The following BRSK2 variants were observed in gnomAD, a reference collection of about 807,000 sequenced individuals.
BRSK2 encodes the protein serine/threonine-protein kinase BRSK2.
Under a neutral mutation model 83.3 loss-of-function variants are expected in BRSK2, and 19 were observed. That is an observed-to-expected ratio of 0.23 (90% CI 0.16 to 0.33). The LOEUF (loss-of-function observed/expected upper bound fraction) is 0.33. BRSK2 is among the 10% of genes least tolerant of loss of function. The pLI, the probability that BRSK2 is intolerant of heterozygous loss-of-function variation, is 1.00. For synonymous variants in BRSK2, 519 were observed against 435.4 expected (o/e 1.19, Z -2.39); for missense variants, 798 against 1,042.3 (o/e 0.77, Z 3.23).
At chr11:1,396,037 C>T (rs549059213) in intron 1 of BRSK2, among the ~76,000 whole-genome samples, 25 of 152,312 alleles carry the variant, frequency 1.6e-4, no homozygotes, top group Admixed American at 3.3e-4. Context: ...CTCCTGCCCA[C>T]GACCCAAGCT....
intron 16 of BRSK2, among the ~76,000 whole-genome samples, chr11:1,455,158 G>T (rs1454919031): frequency 6.6e-6 from 1 of 152,148 alleles, no homozygotes; most frequent in Non-Finnish European, 1.5e-5. Context: ...GCATCTTTGG[G>T]TTAGGAGGAG....
At chr11:1,457,018 C>T (rs1417083868) in intron 18 of BRSK2, 1 of 1,595,268 alleles carries the variant, frequency 6.3e-7, no homozygotes, top group Non-Finnish European at 8.5e-7. Flanking sequence ...AAGGTGGCCA[C>T]CAGCTACGAG....
At chr11:1,404,748 C>T (rs571868160) in intron 1 of BRSK2, among the ~76,000 whole-genome samples, 2 of 152,350 alleles carry the variant, frequency 1.3e-5, no homozygotes, top group East Asian at 3.9e-4. Context: ...GCCCTTCCCG[C>T]AAGCCGCCCG....
At chr11:1,448,981 T>A (rs1366284489) in intron 12 of BRSK2, among the ~76,000 whole-genome samples, 1 of 151,944 alleles carries the variant, frequency 6.6e-6, no homozygotes, top group African/African-American at 2.4e-5. Context: ...TCTGTCCTCT[T>A]CTCTTCGGCG....
chr11:1,393,370 G>T (rs192428270), intron 1 of BRSK2, among the ~76,000 whole-genome samples: 29 of 152,286 alleles, frequency 1.9e-4, no homozygotes, highest in Non-Finnish European at 3.5e-4. Flanking sequence ...AGAACCTCGG[G>T]CCCTTGGAGC....
intron 1 of BRSK2, chr11:1,411,640 G>C: frequency 6.5e-7 from 1 of 1,540,602 alleles, no homozygotes. Flanking sequence ...GCAGGTGCGT[G>C]CCACGCTCCC....
At chr11:1,405,403 TTC>T (rs1846802525) in intron 1 of BRSK2, among the ~76,000 whole-genome samples, 1 of 152,218 alleles carries the variant, frequency 6.6e-6, no homozygotes, top group Admixed American at 6.5e-5. Flanking sequence ...TTGCCCAGCC[TTC>T]CCCCTGTGGC....
At chr11:1,455,204 T>C (rs1257560088) in intron 16 of BRSK2, among the ~76,000 whole-genome samples, 1 of 152,066 alleles carries the variant, frequency 6.6e-6, no homozygotes, top group African/African-American at 2.4e-5. Flanking sequence ...GGAGAAAGTT[T>C]ATTGCCAGGA....
At position 1,449,931 on chromosome 11, in the gene BRSK2, T is replaced by G. The variant is rs527862895; in HGVS notation, c.1287+95T>G. 1.2e-3 allele frequency: 1,025 copies of G among 875,414 alleles called. 11 individuals carry two copies. In the Admixed American group the frequency reaches 0.019, roughly 16 times the overall value. The allele number at this position is 875,414 out of a possible 1,614,324, so 54.2% of individuals were successfully genotyped here. On this transcript the variant is annotated intron_variant, in intron 13 of 19. Transcript: ENST00000528841. ...AGGGTGGGGGCAGCCTCGCGGACCC[T>G]GGGAAGCAGCCCCAGGCGCCCCCCA...
chr11:1,424,466 A>G (rs1848976772), intron 1 of BRSK2, among the ~76,000 whole-genome samples: 1 of 152,134 alleles, frequency 6.6e-6, no homozygotes, highest in Non-Finnish European at 1.5e-5. Context: ...CTGTGTGACC[A>G]GTGTGGGAGT....
At chr11:1,452,852 G>A (rs1845974545) in intron 15 of BRSK2, among the ~76,000 whole-genome samples, 1 of 152,364 alleles carries the variant, frequency 6.6e-6, no homozygotes, top group Admixed American at 6.5e-5. Context: ...CCTCTTTGGC[G>A]ACAACTCGCT....
chr11:1,449,625 T>G (rs905656173), intron 12 of BRSK2, 151 bp from the exon 13 acceptor site: 1 of 625,718 alleles, frequency 1.6e-6, no homozygotes, highest in Non-Finnish European at 2.7e-6. Flanking sequence ...CCCTCCTGAA[T>G]TGACAGGGTG....
chr11:1,406,430 C>G (rs1240895901), intron 1 of BRSK2, among the ~76,000 whole-genome samples: 1 of 152,212 alleles, frequency 6.6e-6, no homozygotes, highest in African/African-American at 2.4e-5. Flanking sequence ...TGAGATCACG[C>G]CACTGCACTC....
intron 1 of BRSK2, among the ~76,000 whole-genome samples, chr11:1,412,723 G>T (rs1847659169): frequency 1.3e-5 from 2 of 152,198 alleles, no homozygotes; most frequent in South Asian, 2.1e-4. Flanking sequence ...AGATAAGGCA[G>T]CCCCAGCCCA....
chr11:1,447,535 G>A (rs1852318114), intron 12 of BRSK2, among the ~76,000 whole-genome samples: 1 of 152,232 alleles, frequency 6.6e-6, no homozygotes, highest in African/African-American at 2.4e-5. Flanking sequence ...CAGAGACCCA[G>A]CTGCTTGGTG....
rs371306993 is a variant in BRSK2 at position 1,445,390 on chromosome 11, G to A, written c.909G>A (p.Leu303=). Residue 303 remains leucine, a synonymous_variant, in exon 10 of 20, where the codon CTG becomes CTA. Coordinates refer to ENST00000528841, the MANE Select transcript of BRSK2 (RefSeq NM_001256627.2). ...PSLEDIDPDV[L]DSMHSLGCFR... Reference sequence around the variant, plus strand: ...TGGAGGACATCGACCCCGACGTGCTGGACAGCATGCACTCACTGGGCTGCT... The same window carrying A: ...TGGAGGACATCGACCCCGACGTGCTAGACAGCATGCACTCACTGGGCTGCT... 6 of 1,611,924 alleles carry A rather than the reference G, an allele frequency of 3.7e-6. No individual in the cohort carries two copies. The African/African-American group carries it at 5.3e-5, about 14-fold the overall frequency.
In BRSK2 at chr11:1,459,438, G is replaced by A. The variant is rs529705139; in HGVS notation, c.1987+199G>A. 7.4e-4 allele frequency: 460 copies of A among 623,448 alleles called. 2 individuals carry two copies. The South Asian group carries it at 7.7e-3, about 10-fold the overall frequency. The allele number at this position is 623,448 out of a possible 1,614,324, so 38.6% of individuals were successfully genotyped here. A position where few individuals can be genotyped will look rare whatever the true frequency, so the allele number is the denominator to read the frequency against. On this transcript the variant is annotated intron_variant, in intron 19 of 19. Transcript: ENST00000528841. ...CTCCCCTACCACAGCAAGCCCAGGC[G>A]GGGTTCCTGGCCAGACTCACCTCTG...
chr11:1,405,703 C>G (rs1007741819), intron 1 of BRSK2, among the ~76,000 whole-genome samples: 2 of 152,122 alleles, frequency 1.3e-5, no homozygotes, highest in Admixed American at 6.5e-5. Context: ...GTGCGGAGCT[C>G]TTGGGCTCAG....
chr11:1,396,152 G>A (rs551853966), intron 1 of BRSK2, among the ~76,000 whole-genome samples: 17 of 149,698 alleles, frequency 1.1e-4, no homozygotes, highest in Admixed American at 5.3e-4. Context: ...TGTGCCAGGT[G>A]TGTGTGGACC....
Sources: gnomAD v4.1 joint callset for allele counts (sites outside exome capture counted in the v4.1 genomes callset) on GRCh38, gnomAD v4.1.1 for gene constraint, MANE v1.5 for transcripts, NCBI Gene and HGNC (gene_info 2026-07-23, HGNC 2026-07-21) for gene names.